Variants in LRP1B observed in about 807,000 individuals in gnomAD.
LRP1B encodes LDL receptor related protein 1B.
A neutral mutation model predicts 556.6 loss-of-function variants in LRP1B; 217 were observed. The ratio of observed to expected loss-of-function variants is 0.39; its 90% CI spans 0.35 to 0.44. The LOEUF (loss-of-function observed/expected upper bound fraction) is 0.44, where lower values mean the gene tolerates loss of function less well. Among genes scored for constraint, LRP1B ranks in the 20% least tolerant of loss-of-function variants. The pLI, the probability that LRP1B is intolerant of heterozygous loss-of-function variation, is 1.00. For synonymous variants in LRP1B, 2,047 were observed against 1,865.8 expected (o/e 1.10, Z -2.50); for missense variants, 5,053 against 5,620.8 (o/e 0.90, Z 3.23).
chr2:141,300,545 G>A (rs1686350081), intron 3 of LRP1B, among the ~76,000 whole-genome samples: 1 of 152,162 alleles, frequency 6.6e-6, no homozygotes, highest in Admixed American at 6.5e-5. Flanking sequence ...CCTCAATGTT[G>A]AAGGTGAGCT....
intron 41 of LRP1B, among the ~76,000 whole-genome samples, chr2:140,641,542 A>G (rs184170463): frequency 6.6e-6 from 1 of 152,298 alleles, no homozygotes; most frequent in Admixed American, 6.5e-5. Flanking sequence ...TCTTGAGACT[A>G]TTTTAAGGAT....
Position 140,601,730 on chromosome 2 carries a change from C to T in LRP1B, c.6800-91G>A, listed in dbSNP as rs1682680588. On this transcript the variant is annotated intron_variant, in intron 41 of 90. Transcript: ENST00000389484. ...AAAGCATTTAAGACATACATGTATA[C>T]CTGTTATTTCATCAACCATTTCTCC... The T allele has an allele frequency of 1.0e-5, 7 of 697,888 alleles. No homozygotes were observed. The South Asian group carries it at 2.9e-4, about 29-fold the overall frequency. The allele number at this position is 697,888 out of a possible 1,614,324, so 43.2% of individuals were successfully genotyped here.
chr2:140,574,902 G>T (rs1409936723), intron 43 of LRP1B, among the ~76,000 whole-genome samples: 3 of 152,146 alleles, frequency 2.0e-5, no homozygotes, highest in Non-Finnish European at 4.4e-5. Flanking sequence ...TGATAAAAAA[G>T]AAATATTCAG....
intron 6 of LRP1B, among the ~76,000 whole-genome samples, chr2:141,190,078 C>T (rs1300768606): frequency 5.3e-5 from 8 of 151,956 alleles, no homozygotes; most frequent in South Asian, 2.1e-4. Context: ...CTGAGGACTG[C>T]TGCCTGAGAG....
intron 6 of LRP1B, among the ~76,000 whole-genome samples, chr2:141,214,709 T>C (rs929283046): frequency 3.9e-5 from 6 of 152,220 alleles, no homozygotes; most frequent in Admixed American, 2.0e-4. Context: ...CCTATGTTCA[T>C]TGGTGTTACG....
At chr2:140,621,496 C>T (rs1683454550) in intron 41 of LRP1B, among the ~76,000 whole-genome samples, 1 of 151,492 alleles carries the variant, frequency 6.6e-6, no homozygotes, top group Non-Finnish European at 1.5e-5. Flanking sequence ...AATTGACACA[C>T]TGAAATGAAA....
chr2:140,824,645 T>C (rs1476118638), intron 31 of LRP1B, among the ~76,000 whole-genome samples: 2 of 152,132 alleles, frequency 1.3e-5, no homozygotes, highest in Non-Finnish European at 2.9e-5. Flanking sequence ...ATAATATTTG[T>C]ACCCTATATT....
chr2:140,926,462 C>T (rs960558725), intron 20 of LRP1B, among the ~76,000 whole-genome samples: 1 of 152,014 alleles, frequency 6.6e-6, no homozygotes, highest in African/African-American at 2.4e-5. Context: ...CCACCTCAGC[C>T]TCTCAAGTAG....
intron 2 of LRP1B, among the ~76,000 whole-genome samples, chr2:141,656,876 C>T (rs1355327088): frequency 1.3e-5 from 2 of 151,972 alleles, no homozygotes; most frequent in African/African-American, 2.4e-5. Context: ...AGTTTTAATA[C>T]ATACAAAGAT....
At chr2:141,042,113 C>T (rs978390293) in intron 11 of LRP1B, among the ~76,000 whole-genome samples, 1 of 152,026 alleles carries the variant, frequency 6.6e-6, no homozygotes, top group African/African-American at 2.4e-5. Context: ...TTTCTGTCCA[C>T]CTTGGGAAAA....
chr2:141,565,196 A>G (rs1380787836), intron 2 of LRP1B, among the ~76,000 whole-genome samples: 1 of 152,126 alleles, frequency 6.6e-6, no homozygotes, highest in Non-Finnish European at 1.5e-5. Flanking sequence ...CTGTGAATTC[A>G]AGAATTCACT....
chr2:140,378,147 C>T (rs780495450), intron 68 of LRP1B, 33 bp downstream of exon 68: 3 of 1,422,582 alleles, frequency 2.1e-6, no homozygotes, highest in Admixed American at 3.5e-5. Flanking sequence ...TTCTAAAGCG[C>T]TGCTTTCTTT....
intron 2 of LRP1B, among the ~76,000 whole-genome samples, chr2:141,557,283 A>G (rs1026971824): frequency 1.3e-5 from 2 of 151,920 alleles, no homozygotes; most frequent in Admixed American, 6.6e-5. Context: ...CAGAAAGAAA[A>G]GTAAGCAAAT....
At chr2:141,434,823 C>G (rs1200466013) in intron 3 of LRP1B, among the ~76,000 whole-genome samples, 1 of 152,108 alleles carries the variant, frequency 6.6e-6, no homozygotes, top group African/African-American at 2.4e-5. Context: ...AAACTCTATT[C>G]CCCCAGTGGT....
chr2:140,894,319 A>G (rs1375812912), intron 23 of LRP1B, among the ~76,000 whole-genome samples: 1 of 152,210 alleles, frequency 6.6e-6, no homozygotes, highest in African/African-American at 2.4e-5. Flanking sequence ...GAGAAACAAG[A>G]AGATAAAAAC....
intron 2 of LRP1B, among the ~76,000 whole-genome samples, chr2:141,612,023 T>A (rs1477576627): frequency 6.6e-6 from 1 of 152,212 alleles, no homozygotes; most frequent in Admixed American, 6.5e-5. Flanking sequence ...AGTATGGAAC[T>A]ACAATGGGTA....
intron 7 of LRP1B, among the ~76,000 whole-genome samples, chr2:141,186,988 C>T (rs993435738): frequency 4.6e-5 from 7 of 151,988 alleles, no homozygotes; most frequent in African/African-American, 1.7e-4. Flanking sequence ...TGTCTAAAGG[C>T]TAATCTGAAA....
intron 43 of LRP1B, among the ~76,000 whole-genome samples, chr2:140,569,227 C>T (rs1475752970): frequency 2.0e-5 from 3 of 151,798 alleles, no homozygotes; most frequent in Non-Finnish European, 2.9e-5. Flanking sequence ...ATAATAACCT[C>T]GAATGAAAAT....
intron 57 of LRP1B, 93 bp from the exon 58 acceptor site, chr2:140,487,832 A>C: frequency 1.3e-6 from 1 of 747,010 alleles, no homozygotes; most frequent in East Asian, 3.0e-5. Context: ...TCTTCCTTTG[A>C]AACTAAATAG....
Sources: allele counts gnomAD v4.1 joint callset (sites outside exome capture counted in the v4.1 genomes callset), GRCh38; gene constraint gnomAD v4.1.1; transcripts MANE v1.5; gene names NCBI Gene and HGNC (gene_info 2026-07-23, HGNC 2026-07-21).